PSMC2: variants seen among roughly 807,000 people sequenced by gnomAD.
PSMC2 encodes 26S proteasome regulatory subunit 7.
In PSMC2, 7 loss-of-function variants were observed where a neutral mutation model predicts 53.3. That is an observed-to-expected ratio of 0.13 (90% CI 0.07 to 0.25). The LOEUF (loss-of-function observed/expected upper bound fraction) is 0.25, where lower values mean the gene tolerates loss of function less well. Among genes scored for constraint, PSMC2 ranks in the 10% least tolerant of loss-of-function variants. The pLI is 1.00. For missense variants in PSMC2, 241 were observed against 544.0 expected (o/e 0.44, Z 5.54); for synonymous variants, 169 against 183.9 (o/e 0.92, Z 0.66).
intron 1 of PSMC2, among the ~76,000 whole-genome samples, chr7:103,351,792 T>G (rs1819746698): frequency 6.6e-6 from 1 of 152,170 alleles, no homozygotes; most frequent in Admixed American, 6.5e-5. Flanking sequence ...TGACTTCTGT[T>G]GTGTGGTACC....
chr7:103,361,242 G>C (rs1820376269), intron 4 of PSMC2, among the ~76,000 whole-genome samples: 1 of 151,966 alleles, frequency 6.6e-6, no homozygotes, highest in Non-Finnish European at 1.5e-5. Flanking sequence ...CCAGCACTTT[G>C]GGAAGCTGAG....
intron 4 of PSMC2, 86 bp downstream of exon 4, chr7:103,355,879 C>G: frequency 1.1e-6 from 1 of 887,582 alleles, no homozygotes; most frequent in South Asian, 2.3e-5. Context: ...TGCAATAGTT[C>G]ATAAATAATT....
intron 4 of PSMC2, among the ~76,000 whole-genome samples, chr7:103,359,172 A>ATTTTTTTTTTTTTTT (rs1586155184): frequency 1.5e-4 from 9 of 58,384 alleles, no homozygotes; most frequent in Non-Finnish European, 2.2e-4. Context: ...TTTTTTTTTA[A>ATTTTTTTTTTTTTTT]TTTTTAGTAG....
intron 8 of PSMC2, among the ~76,000 whole-genome samples, 163 bp from the exon 9 acceptor site, chr7:103,365,913 G>A (rs1045689077): frequency 1.3e-5 from 2 of 152,014 alleles, no homozygotes; most frequent in African/African-American, 4.8e-5. Flanking sequence ...GGGCGACAGA[G>A]GAAGACTCCA....
chr7:103,367,887 TG>T lies in PSMC2; in HGVS notation c.1145-9del. The T allele has an allele frequency of 6.2e-7, 1 of 1,611,682 alleles. No individual in the cohort carries two copies. Among genetic ancestry groups the T allele is most frequent in the Non-Finnish European group, 8.5e-7 (1 of 1,179,082 alleles). ...TAATTAAGCCCGTTTATTTTCTTTT[TG>T]TTTGAAAGGTGCTGAGATTAGAAGC... is the stretch of plus-strand genomic sequence containing the variant. On this transcript the variant is annotated splice_polypyrimidine_tract_variant and intron_variant, in intron 11 of 11. Transcript: ENST00000292644. The surrounding 1 kb of genome is among the most constrained non-coding windows in gnomAD (Gnocchi z 6.1).
Position 103,353,514 on chromosome 7 carries a change from C to T in PSMC2, c.71-407C>T, listed in dbSNP as rs2116138132. 2.6e-5 allele frequency among the ~76,000 whole-genome samples: 4 copies of T among 152,280 alleles called. No individual in the cohort carries two copies. In the Middle Eastern group the frequency reaches 0.014, roughly 518 times the overall value. ...TAGAGACGGGGTTTCGCCAGGTTGG[C>T]TAGGCTGGTCTCAAACTCCTGACCT... On this transcript the variant is annotated intron_variant, in intron 1 of 11. Transcript: ENST00000292644.
chr7:103,361,254 C>T (rs565141685), intron 4 of PSMC2, among the ~76,000 whole-genome samples: 8 of 151,226 alleles, frequency 5.3e-5, no homozygotes, highest in Admixed American at 1.3e-4. Context: ...GAAGCTGAGG[C>T]GGGCGGATCA....
intron 1 of PSMC2, among the ~76,000 whole-genome samples, chr7:103,352,215 T>TTA (rs1441758445): frequency 9.8e-5 from 4 of 40,622 alleles, no homozygotes; most frequent in African/African-American, 3.5e-4. Context: ...CATACTTAGT[T>TTA]AAAAAAAAAA....
In PSMC2 at chr7:103,353,965, C is replaced by T. The variant is rs554714299; in HGVS notation, c.108+7C>T. On this transcript the variant is annotated splice_region_variant and intron_variant, in intron 2 of 11. Transcript: ENST00000292644. ...TGCCTTGTTGAAAACTTATGTAAGTCCTTTCAGTGTCTACAAACTATAGAT... is the reference window on the plus strand; with the variant it reads ...TGCCTTGTTGAAAACTTATGTAAGTTCTTTCAGTGTCTACAAACTATAGAT... 7 of 1,582,062 alleles carry T rather than the reference C, an allele frequency of 4.4e-6. No homozygotes were observed. In the South Asian group the frequency reaches 6.8e-5, roughly 15 times the overall value.
rs1363280874 is a variant in PSMC2, at chr7:103,347,664, A to G, written c.-48A>G. On this transcript the variant is annotated 5_prime_UTR_variant, in exon 1 of 12. Coordinates refer to ENST00000292644, the MANE Select transcript of PSMC2 (RefSeq NM_002803.4). ...AGGGAAGACACCACCGGAAGCAAGG[A>G]AGGTGCTGTGTAATCATTAAGGAGC... is the stretch of plus-strand genomic sequence containing the variant. 3.4e-5 allele frequency: 55 copies of G among 1,605,048 alleles called. No individual in the cohort carries two copies. Among genetic ancestry groups the G allele is most frequent in the Non-Finnish European group, 4.6e-5 (54 of 1,172,206 alleles).
At chr7:103,361,467 A>G (rs10271758) in intron 4 of PSMC2, among the ~76,000 whole-genome samples, 25,240 of 145,508 alleles carry the variant, frequency 0.17, 2,747 homozygotes, top group African/African-American at 0.31. Context: ...CCAAGATCAC[A>G]CCATTGTGTT....
chr7:103,356,731 A>T (rs961985003), intron 4 of PSMC2, among the ~76,000 whole-genome samples: 3 of 152,118 alleles, frequency 2.0e-5, no homozygotes, highest in African/African-American at 4.8e-5. Context: ...AGTCACTTTT[A>T]ACTTCTTGGT....
intron 3 of PSMC2, among the ~76,000 whole-genome samples, 180 bp from the exon 4 acceptor site, chr7:103,355,514 G>A (rs1318192525): frequency 6.6e-6 from 1 of 151,970 alleles, no homozygotes; most frequent in African/African-American, 2.4e-5. Context: ...TTGAGAGAGG[G>A]TGGTGCTGCT....
chr7:103,356,485 T>G (rs1820038852), intron 4 of PSMC2, among the ~76,000 whole-genome samples: 1 of 152,226 alleles, frequency 6.6e-6, no homozygotes, highest in Admixed American at 6.5e-5. Context: ...TCCATTTGTC[T>G]GATCAATGTA....
chr7:103,368,035 G>A lies in PSMC2; in HGVS notation c.1283G>A (p.Arg428His), dbSNP rs370553048. The A allele has an allele frequency of 1.9e-6, 3 of 1,613,196 alleles. No homozygotes were observed. The highest frequency in any genetic ancestry group is 1.7e-4 in the Middle Eastern group (1 of 6,056). ...KSYAKFSATP[R>H]YMTYN ...TATGCCAAATTCAGTGCTACTCCTC[G>A]TTACATGACATACAACTGAACCCTG... Residue 428 changes from arginine (R) to histidine (H), a missense_variant, in exon 12 of 12, where the codon CGT (arginine) becomes CAT (histidine). Arg to His is a conservative substitution (Grantham distance 29, BLOSUM62 0). This residue lies in a region of PSMC2 where 60 missense variants were observed against 115.8 expected (regional missense o/e 0.52). Transcript: ENST00000292644.
rs1563491958 is a variant in PSMC2, at chr7:103,361,530, A to AAAAG, written c.291-423_291-420dup. 4.7e-5 allele frequency among the ~76,000 whole-genome samples: 7 copies of AAAAG among 149,740 alleles called. 1 individual carries two copies. The highest frequency in any genetic ancestry group is 3.0e-5 in the Non-Finnish European group (2 of 67,670). ...CATCTCAAAAAAAAAAAAAAAAAAAAAAAGAAAAACGGATTTAAAGTATAA... is the reference window on the plus strand; with the variant it reads ...CATCTCAAAAAAAAAAAAAAAAAAAAAAAGAAAGAAAAACGGATTTAAAGTATAA... On this transcript the variant is annotated intron_variant, in intron 4 of 11. Transcript: ENST00000292644.
rs1403244583 is a variant in PSMC2, at chr7:103,355,852, T to C, written c.290+59T>C. The C allele has an allele frequency of 8.1e-6, 10 of 1,239,482 alleles. No homozygotes were observed. The East Asian group carries it at 2.3e-4, about 29-fold the overall frequency. 76.8% of individuals were successfully genotyped at this position (1,239,482 alleles called of 1,614,324 possible). A position where few individuals can be genotyped will look rare whatever the true frequency, so the allele number is the denominator to read the frequency against. ...GTCTGTATTTTCAAGCACTTAATGT[T>C]AGAGTCTCAGGGATAATGCAATAGT... is the stretch of plus-strand genomic sequence containing the variant. On this transcript the variant is annotated intron_variant, in intron 4 of 11. Coordinates refer to ENST00000292644, the MANE Select transcript of PSMC2 (RefSeq NM_002803.4).
At chr7:103,359,064 G>A (rs2116193483) in intron 4 of PSMC2, among the ~76,000 whole-genome samples, 1 of 139,892 alleles carries the variant, frequency 7.1e-6, no homozygotes, top group African/African-American at 2.6e-5. Context: ...GCTCGCTGCA[G>A]CCTCTGCTTC....
intron 1 of PSMC2, among the ~76,000 whole-genome samples, chr7:103,351,496 T>C (rs1464647838): frequency 1.3e-5 from 2 of 152,224 alleles, no homozygotes; most frequent in East Asian, 3.8e-4. Flanking sequence ...AATGTAGGCA[T>C]CTCTGCCTAG....
Sources: gnomAD v4.1 joint callset for allele counts (sites outside exome capture counted in the v4.1 genomes callset) on GRCh38, gnomAD v4.1.1 for gene constraint, gnomAD v4.1.1 regional missense constraint, Gnocchi (gnomAD v3.1) non-coding constraint, MANE v1.5 for transcripts, NCBI Gene and HGNC (gene_info 2026-07-23, HGNC 2026-07-21) for gene names.